MPPED1: variants seen among roughly 807,000 people sequenced by gnomAD.
The protein encoded by MPPED1 is metallophosphoesterase domain containing 1, also known as metallophosphoesterase domain-containing protein 1.
MPPED1 carries 16 observed loss-of-function variants against 36.2 expected under a neutral mutation model. That is an observed-to-expected ratio of 0.44 (90% CI 0.30 to 0.67). The LOEUF is 0.67. MPPED1 is among the 30% of genes least tolerant of loss of function. The pLI, the probability that MPPED1 is intolerant of heterozygous loss-of-function variation, is 0.10. For synonymous variants in MPPED1, 199 were observed against 191.3 expected, an observed-to-expected ratio of 1.04 and a Z score of -0.33; for missense variants, 307 against 453.4, an observed-to-expected ratio of 0.68 and a Z score of 2.93.
intron 3 of MPPED1, among the ~76,000 whole-genome samples, chr22:43,446,108 C>A (rs143688105): frequency 6.6e-6 from 1 of 152,132 alleles, no homozygotes; most frequent in African/African-American, 2.4e-5. Context: ...TGGGCTCAAG[C>A]GATCTGCCTG....
intron 5 of MPPED1, among the ~76,000 whole-genome samples, chr22:43,500,408 GGTGATGGAGGTGGTA>G (rs1932691253): frequency 6.6e-6 from 1 of 151,190 alleles, no homozygotes. Context: ...TGGTAGTGGT[GGTGATGGAGGTGGTA>G]ATGGAGGTGG....
chr22:43,454,547 C>T (rs1930687653), intron 3 of MPPED1, among the ~76,000 whole-genome samples: 1 of 151,988 alleles, frequency 6.6e-6, no homozygotes, highest in South Asian at 2.1e-4. Flanking sequence ...TCAAGGGATC[C>T]TCCTGCTTTG....
intron 5 of MPPED1, among the ~76,000 whole-genome samples, chr22:43,501,137 G>A (rs1391758435): frequency 1.3e-5 from 2 of 152,304 alleles, no homozygotes; most frequent in African/African-American, 4.8e-5. Flanking sequence ...CGGAGGCCTG[G>A]GCCCTGGTGT....
chr22:43,469,925 T>C (rs998583607), intron 3 of MPPED1, among the ~76,000 whole-genome samples: 2 of 152,168 alleles, frequency 1.3e-5, no homozygotes, highest in African/African-American at 4.8e-5. Flanking sequence ...TATATATGCA[T>C]CTATATATTC....
intron 1 of MPPED1, among the ~76,000 whole-genome samples, chr22:43,422,944 C>T (rs559477393): frequency 1.2e-4 from 18 of 152,282 alleles, no homozygotes; most frequent in Non-Finnish European, 2.5e-4. Context: ...TCAAGCAATT[C>T]TCCTGCCTCA....
intron 1 of MPPED1, chr22:43,419,306 T>G (rs920111499): frequency 1.3e-5 from 2 of 152,248 alleles, no homozygotes; most frequent in Non-Finnish European, 2.9e-5. Context: ...TTGGGGGCTG[T>G]GGGTGGAGGC....
At chr22:43,459,693 T>C (rs1930878704) in intron 3 of MPPED1, among the ~76,000 whole-genome samples, 1 of 152,262 alleles carries the variant, frequency 6.6e-6, no homozygotes, top group African/African-American at 2.4e-5. Context: ...TATCTCCTTA[T>C]TGATGTGCTT....
intron 3 of MPPED1, among the ~76,000 whole-genome samples, chr22:43,448,289 C>T (rs1455528484): frequency 6.6e-6 from 1 of 152,188 alleles, no homozygotes; most frequent in Non-Finnish European, 1.5e-5. Flanking sequence ...GTGGTAACCA[C>T]GAGCCCCCAT....
At chr22:43,499,927 TGATGGTGGA>T in intron 5 of MPPED1, among the ~76,000 whole-genome samples, 2 of 91,404 alleles carry the variant, frequency 2.2e-5, no homozygotes, top group African/African-American at 5.2e-5. Flanking sequence ...GTGGTGGTGG[TGATGGTGGA>T]GGTGGTGGTG....
chr22:43,455,132 C>G (rs569626802), intron 3 of MPPED1, among the ~76,000 whole-genome samples: 1 of 36,996 alleles, frequency 2.7e-5, no homozygotes, highest in Non-Finnish European at 4.7e-5. Context: ...TTTTTTGAGA[C>G]GAAGTCTTAC....
intron 3 of MPPED1, among the ~76,000 whole-genome samples, chr22:43,445,557 CCTT>C (rs1421288100): frequency 1.7e-5 from 2 of 117,756 alleles, no homozygotes; most frequent in Non-Finnish European, 1.8e-5. Flanking sequence ...TCTGATGTTT[CCTT>C]TTTTTTTTTT....
intron 3 of MPPED1, among the ~76,000 whole-genome samples, chr22:43,439,370 A>G (rs1476304288): frequency 6.6e-6 from 1 of 152,268 alleles, no homozygotes; most frequent in African/African-American, 2.4e-5. Context: ...TTCTCCAGCT[A>G]TAAAGAGTGA....
rs1332624581 is a variant in MPPED1, at chr22:43,504,742, GTGA to G, written c.863-750_863-748del. Among the ~76,000 whole-genome samples the G allele has an allele frequency of 5.9e-5, 9 of 151,846 alleles. No individual in the cohort carries two copies. In the South Asian group the frequency reaches 1.5e-3, roughly 25 times the overall value. Reference sequence around the variant, plus strand: ...AATGATGATGATAATAGGAGCAGTGGTGATGATGTTGATTGTGGTAGTGATGAT... The same window carrying G: ...AATGATGATGATAATAGGAGCAGTGGTGATGTTGATTGTGGTAGTGATGAT... On this transcript the variant is annotated intron_variant, in intron 6 of 6. Coordinates refer to ENST00000443721, the MANE Select transcript of MPPED1 (RefSeq NM_001044370.2).
intron 3 of MPPED1, among the ~76,000 whole-genome samples, chr22:43,465,644 A>T (rs1931142309): frequency 6.6e-6 from 1 of 152,202 alleles, no homozygotes. Context: ...GGGGGCACCC[A>T]TCATCCTGCT....
intron 3 of MPPED1, among the ~76,000 whole-genome samples, chr22:43,471,811 A>G (rs1318478130): frequency 6.6e-6 from 1 of 152,166 alleles, no homozygotes; most frequent in African/African-American, 2.4e-5. Context: ...GCCTGCATCC[A>G]TGTTCTTGGA....
chr22:43,499,116 T>C (rs561367020), intron 5 of MPPED1, among the ~76,000 whole-genome samples: 13 of 146,918 alleles, frequency 8.8e-5, no homozygotes, highest in African/African-American at 3.3e-4. Context: ...GTGATGGTGG[T>C]GGAGGTGATG....
At chr22:43,472,606 GCTTT>G (rs1823894763) in intron 3 of MPPED1, among the ~76,000 whole-genome samples, 1 of 152,254 alleles carries the variant, frequency 6.6e-6, no homozygotes, top group South Asian at 2.1e-4. Context: ...AAAGAGCAGT[GCTTT>G]CTTTCTCAAA....
At chr22:43,447,709 G>A (rs1601966415) in intron 3 of MPPED1, among the ~76,000 whole-genome samples, 1 of 151,046 alleles carries the variant, frequency 6.6e-6, no homozygotes, top group South Asian at 2.1e-4. Context: ...AGATTACATA[G>A]GTCTCGGGAG....
intron 4 of MPPED1, among the ~76,000 whole-genome samples, chr22:43,477,529 C>T (rs1004520729): frequency 6.6e-6 from 1 of 152,204 alleles, no homozygotes; most frequent in African/African-American, 2.4e-5. Context: ...CTGGGAAACC[C>T]CTGGGCTGCC....
Sources: allele counts gnomAD v4.1 joint callset (sites outside exome capture counted in the v4.1 genomes callset), GRCh38; gene constraint gnomAD v4.1.1; transcripts MANE v1.5; gene names NCBI Gene and HGNC (gene_info 2026-07-23, HGNC 2026-07-21).